Variants in MCM9 observed in about 807,000 individuals in gnomAD.
MCM9 encodes DNA helicase MCM9.
MCM9 carries 55 observed loss-of-function variants against 72.8 expected under a neutral mutation model. That is an observed-to-expected ratio of 0.76 (90% CI 0.61 to 0.95). MCM9 has a LOEUF of 0.95. Ranked by LOEUF, MCM9 falls within the 40% of genes least tolerant of loss-of-function variation. MCM9 has a pLI of 0.00. For missense variants in MCM9, 1,279 were observed against 1,377.0 expected (o/e 0.93, Z 1.13); for synonymous variants, 480 against 503.4 (o/e 0.95, Z 0.62).
chr6:118,911,434 A>G, intron 8 of MCM9: 1 of 1,275,966 alleles, frequency 7.8e-7, no homozygotes, highest in South Asian at 2.7e-5. Context: ...AAAATTGAAT[A>G]GGATTGTTCA....
At chr6:118,877,839 A>C (rs1372249706) in intron 8 of MCM9, among the ~76,000 whole-genome samples, 1 of 152,222 alleles carries the variant, frequency 6.6e-6, no homozygotes, top group Non-Finnish European at 1.5e-5. Context: ...TGGTATATTC[A>C]GACCGTGGAA....
chr6:118,879,666 C>A (rs982158709), intron 8 of MCM9, among the ~76,000 whole-genome samples: 1 of 151,448 alleles, frequency 6.6e-6, no homozygotes, highest in Non-Finnish European at 1.5e-5. Flanking sequence ...TAGTATGTGG[C>A]CTTTTACAGA....
At chr6:118,895,002 T>G (rs894382131) in intron 8 of MCM9, among the ~76,000 whole-genome samples, 1 of 151,954 alleles carries the variant, frequency 6.6e-6, no homozygotes, top group Non-Finnish European at 1.5e-5. Context: ...GCACGGCGCC[T>G]CCTCTTGCCC....
intron 8 of MCM9, among the ~76,000 whole-genome samples, chr6:118,880,984 T>C (rs1027284472): frequency 2.0e-5 from 3 of 152,180 alleles, no homozygotes; most frequent in African/African-American, 7.2e-5. Flanking sequence ...ATAAGGTAAT[T>C]TATAAATTAG....
chr6:118,815,241 C>G lies in MCM9; in HGVS notation c.3015G>C (p.Glu1005Asp). Reference sequence around the variant, plus strand: ...TCTTCTCAGGGGCACACATCACCTTCTCTCTTGGTCCGTGTTTCTCTGGTG... The same window carrying G: ...TCTTCTCAGGGGCACACATCACCTTGTCTCTTGGTCCGTGTTTCTCTGGTG... ...QQPPEKHGPR[E>D]KVMCAPEKRI... Residue 1005 changes from glutamate to aspartate, a missense_variant, in exon 14 of 14, where the codon GAG (glutamate) becomes GAC (aspartate). Glu to Asp is a conservative substitution (Grantham distance 45). Transcript: ENST00000619706. The G allele has an allele frequency of 6.4e-7, 1 of 1,550,688 alleles. No individual in the cohort carries two copies. The highest frequency in any genetic ancestry group is 8.7e-7 in the Non-Finnish European group (1 of 1,146,958).
At chr6:118,903,656 A>G (rs1052267006) in intron 8 of MCM9, among the ~76,000 whole-genome samples, 1 of 152,244 alleles carries the variant, frequency 6.6e-6, no homozygotes, top group African/African-American at 2.4e-5. Flanking sequence ...GTAAGCTCCA[A>G]AAAAGATTAA....
intron 8 of MCM9, among the ~76,000 whole-genome samples, chr6:118,874,784 G>C (rs777893914): frequency 1.3e-5 from 2 of 152,352 alleles, no homozygotes; most frequent in East Asian, 3.9e-4. Context: ...TATATATCAA[G>C]AATGAACAAG....
chr6:118,862,918 G>A (rs1246285080), intron 8 of MCM9, among the ~76,000 whole-genome samples: 1 of 152,064 alleles, frequency 6.6e-6, no homozygotes, highest in East Asian at 1.9e-4. Context: ...AAGTAAAAGA[G>A]AAATAAAGAC....
At chr6:118,869,754 A>C (rs1777478801) in intron 8 of MCM9, among the ~76,000 whole-genome samples, 1 of 152,124 alleles carries the variant, frequency 6.6e-6, no homozygotes, top group Non-Finnish European at 1.5e-5. Flanking sequence ...GGATGCCTAC[A>C]AGAGACTCAC....
chr6:118,873,706 G>T (rs553290820), intron 8 of MCM9, among the ~76,000 whole-genome samples: 58 of 152,284 alleles, frequency 3.8e-4, no homozygotes, highest in African/African-American at 1.3e-3. Context: ...ATTTAAGGAA[G>T]AAATGACATG....
Position 118,913,392 on chromosome 6 carries a change from G to A in MCM9, c.933C>T (p.Cys311=). ...CTAGATACATTCCAAACACTTGAGG[G>A]CACAAGCTAGCCAATATTACATTCC... ...AGRNVILASL[C]PQVFGMYLVK... Residue 311 remains cysteine, a synonymous_variant, in exon 7 of 14, where the codon TGC becomes TGT. Coordinates refer to ENST00000619706, the MANE Select transcript of MCM9 (RefSeq NM_017696.3). 1 of 1,613,860 alleles carries A rather than the reference G, an allele frequency of 6.2e-7. No individual in the cohort carries two copies. The highest frequency in any genetic ancestry group is 8.5e-7 in the Non-Finnish European group (1 of 1,179,940).
intron 8 of MCM9, among the ~76,000 whole-genome samples, chr6:118,886,089 T>A (rs1210482081): frequency 6.7e-6 from 1 of 150,192 alleles, no homozygotes; most frequent in African/African-American, 2.4e-5. Flanking sequence ...AACATGATCA[T>A]CTCAATAGAA....
At chr6:118,916,196 TAA>T (rs1325267265) in intron 6 of MCM9, among the ~76,000 whole-genome samples, 4 of 140,406 alleles carry the variant, frequency 2.8e-5, no homozygotes, top group Non-Finnish European at 4.7e-5. Flanking sequence ...CTGTCTACTT[TAA>T]AAAAAAAAAA....
intron 8 of MCM9, among the ~76,000 whole-genome samples, chr6:118,879,750 A>ATT (rs1778165356): frequency 6.6e-6 from 1 of 151,976 alleles, no homozygotes; most frequent in South Asian, 2.1e-4. Context: ...AAAAAAACTA[A>ATT]TAGAAAGACT....
intron 8 of MCM9, among the ~76,000 whole-genome samples, chr6:118,870,569 T>C (rs1777535446): frequency 6.6e-6 from 1 of 151,338 alleles, no homozygotes; most frequent in African/African-American, 2.4e-5. Flanking sequence ...ACATCACAAC[T>C]TAAGGGACTA....
At position 118,815,693 on chromosome 6, in the gene MCM9, T is replaced by C. The variant is rs1252002093; in HGVS notation, c.2563A>G (p.Arg855Gly). Residue 855 changes from arginine to glycine, a missense_variant, in exon 14 of 14, where the codon AGG becomes GGG. Physicochemically the swap from Arg to Gly is moderately radical, Grantham distance 125. Coordinates refer to ENST00000619706, the MANE Select transcript of MCM9 (RefSeq NM_017696.3). ...PRNLQKLCKE[R>G]AQKLCRNSTR... Reference sequence around the variant, plus strand: ...CTATTTCTGCACAACTTCTGGGCCCTCTCTTTGCACAGCTTCTGCAGGTTC... The same window carrying C: ...CTATTTCTGCACAACTTCTGGGCCCCCTCTTTGCACAGCTTCTGCAGGTTC... 6.5e-7 allele frequency: 1 copy of C among 1,548,362 alleles called. No individual in the cohort carries two copies. Among genetic ancestry groups the C allele is most frequent in the Non-Finnish European group, 8.7e-7 (1 of 1,146,610 alleles).
chr6:118,817,389 T>G (rs1165366728), intron 13 of MCM9, among the ~76,000 whole-genome samples: 3 of 151,974 alleles, frequency 2.0e-5, no homozygotes, highest in Non-Finnish European at 2.9e-5. Flanking sequence ...ACATGTGGTG[T>G]TTGGTTTTCT....
Position 118,894,325 on chromosome 6 carries a change from G to A in MCM9, c.1150+17325C>T, listed in dbSNP as rs142622007. ...ACGACGTCTGGCCGGCGCTGGAGCG[G>A]GGGTCTGCGCTCTCCCGAGCGGCCG... On this transcript the variant is annotated intron_variant, in intron 8 of 13. Coordinates refer to ENST00000619706, the MANE Select transcript of MCM9 (RefSeq NM_017696.3). 218 of 1,515,652 alleles carry A rather than the reference G, an allele frequency of 1.4e-4. No homozygotes were observed. The East Asian group carries it at 5.0e-3, about 35-fold the overall frequency. 93.9% of individuals were successfully genotyped at this position (1,515,652 alleles called of 1,614,324 possible).
intron 8 of MCM9, among the ~76,000 whole-genome samples, chr6:118,896,508 G>A (rs952815760): frequency 1.3e-5 from 2 of 152,124 alleles, no homozygotes; most frequent in African/African-American, 4.8e-5. Flanking sequence ...AAGCCAAAAC[G>A]TTCCATTTTT....
Sources: gnomAD v4.1 joint callset for allele counts (sites outside exome capture counted in the v4.1 genomes callset) on GRCh38, gnomAD v4.1.1 for gene constraint, MANE v1.5 for transcripts, NCBI Gene and HGNC (gene_info 2026-07-23, HGNC 2026-07-21) for gene names.